Variants in POLD1 observed in about 807,000 individuals in gnomAD.
POLD1 encodes the protein DNA polymerase delta 1, catalytic subunit.
POLD1 carries 79 observed loss-of-function variants against 129.7 expected under a neutral mutation model. That is an observed-to-expected ratio of 0.61 (90% CI 0.51 to 0.73). The LOEUF (loss-of-function observed/expected upper bound fraction) is 0.73, where lower values mean the gene tolerates loss of function less well. Among genes scored for constraint, POLD1 ranks in the 30% least tolerant of loss-of-function variants. POLD1 has a pLI of 0.00. For missense variants in POLD1, 1,338 were observed against 1,595.8 expected (o/e 0.84, Z 2.75); for synonymous variants, 714 against 683.3 (o/e 1.04, Z -0.70).
At chr19:50,389,588 A>AT (rs35138965) in intron 1 of POLD1, among the ~76,000 whole-genome samples, 4,254 of 142,178 alleles carry the variant, frequency 0.03, 88 homozygotes, top group African/African-American at 0.062. Flanking sequence ...ATAATTTCTT[A>AT]TTTTTTTTTT....
At chr19:50,390,153 C>G (rs1366420340) in intron 1 of POLD1, among the ~76,000 whole-genome samples, 4 of 152,032 alleles carry the variant, frequency 2.6e-5, no homozygotes, top group Admixed American at 2.6e-4. Flanking sequence ...AGGTAATCCA[C>G]CCACCTCAGC....
chr19:50,416,247 G>A, intron 22 of POLD1, 149 bp from the exon 23 acceptor site: 1 of 735,244 alleles, frequency 1.4e-6, no homozygotes, highest in South Asian at 1.8e-5. Flanking sequence ...GAGACTCCGT[G>A]ACCTCCGACC....
At chr19:50,410,548 C>T (rs140413834) in intron 17 of POLD1, among the ~76,000 whole-genome samples, 320 of 152,276 alleles carry the variant, frequency 2.1e-3, no homozygotes, top group Non-Finnish European at 3.2e-3. Flanking sequence ...AGCAGAAAAG[C>T]TGGTTCTCAT....
Position 50,399,024 on chromosome 19 carries a change from T to A in POLD1, c.173T>A (p.Leu58Gln). The change falls in exon 2 of 27, where the codon CTG (leucine) becomes CAG (glutamine). Residue 58 changes from leucine to glutamine, a missense_variant. This residue lies in a region of POLD1 where 332 missense variants were observed against 315.7 expected (regional missense o/e 1.05). Transcript: ENST00000440232. Reference protein sequence around the residue: ...HRLQEQEEEELQSVLEGVADG... With the variant: ...HRLQEQEEEEQQSVLEGVADG... ...CTGCAGGAGCAGGAGGAGGAGGAGCTGCAGTCAGTCCTGGAGGGGGTTGCA... is the reference window on the plus strand; with the variant it reads ...CTGCAGGAGCAGGAGGAGGAGGAGCAGCAGTCAGTCCTGGAGGGGGTTGCA... 6.4e-7 allele frequency: 1 copy of A among 1,557,996 alleles called. No individual in the cohort carries two copies. The highest frequency in any genetic ancestry group is 1.4e-5 in the African/African-American group (1 of 73,734).
Position 50,402,042 on chromosome 19 carries a change from C to T in POLD1, c.507C>T (p.Asn169=). 3.7e-6 allele frequency: 6 copies of T among 1,614,100 alleles called. No individual in the cohort carries two copies. The highest frequency in any genetic ancestry group is 5.1e-6 in the Non-Finnish European group (6 of 1,179,974). Reference sequence around the variant, plus strand: ...TGGGTGACCTGCAACGGGAGCTGAACTTGGCCATCAGCCGGGACAGTCGCG... The same window carrying T: ...TGGGTGACCTGCAACGGGAGCTGAATTTGGCCATCAGCCGGGACAGTCGCG... ...EHMGDLQREL[N]LAISRDSRGG... Residue 169 remains asparagine (N), a synonymous_variant, in exon 5 of 27, where the codon AAC becomes AAT. Transcript: ENST00000440232.
At chr19:50,399,578 C>T in intron 3 of POLD1, 94 bp downstream of exon 3, 1 of 926,340 alleles carries the variant, frequency 1.1e-6, no homozygotes, top group Non-Finnish European at 1.7e-6. Context: ...GCTCCTGGGG[C>T]AGAGGCCGGG....
Position 50,417,823 on chromosome 19 carries a change from C to T in POLD1, c.3219-19C>T, listed in dbSNP as rs374168125. The T allele has an allele frequency of 3.3e-6, 5 of 1,523,374 alleles. No homozygotes were observed. The highest frequency in any genetic ancestry group is 2.4e-5 in the East Asian group (1 of 42,388). 94.4% of individuals were successfully genotyped at this position (1,523,374 alleles called of 1,614,324 possible). A position where few individuals can be genotyped will look rare whatever the true frequency, so the allele number is the denominator to read the frequency against. On this transcript the variant is annotated intron_variant, in intron 26 of 26. Coordinates refer to ENST00000440232, the MANE Select transcript of POLD1 (RefSeq NM_002691.4). ...TGGGCCTTGGCTGGTCCTGACCCTGCCCCTGCCCCCACCCGCAGCCGGGAC... is the reference window on the plus strand; with the variant it reads ...TGGGCCTTGGCTGGTCCTGACCCTGTCCCTGCCCCCACCCGCAGCCGGGAC...
In POLD1 at chr19:50,414,884, G is replaced by GCCCACGAC. The variant is rs751309893; in HGVS notation, c.2460_2467dup (p.Arg823ProfsTer68). 3 of 1,607,188 alleles carry GCCCACGAC rather than the reference G, an allele frequency of 1.9e-6. No individual in the cohort carries two copies. Among genetic ancestry groups the GCCCACGAC allele is most frequent in the Non-Finnish European group, 2.6e-6 (3 of 1,175,614 alleles). ...CCTGCTCTTCTCCTCCCGGCCCGAC[G>GCCCACGAC]CCCACGACCGCATGGACTGCAAGGG... On this transcript the variant is annotated frameshift_variant, in exon 20 of 27. Transcript: ENST00000440232. LOFTEE classifies it high-confidence loss of function.
chr19:50,389,151 A>G (rs551092892), intron 1 of POLD1, among the ~76,000 whole-genome samples: 1 of 148,828 alleles, frequency 6.7e-6, no homozygotes, highest in African/African-American at 2.5e-5. Flanking sequence ...TTTTTGGTAC[A>G]GTATTTTACT....
intron 1 of POLD1, among the ~76,000 whole-genome samples, chr19:50,390,572 ATTTT>A (rs563258123): frequency 7.3e-6 from 1 of 136,118 alleles, no homozygotes; most frequent in African/African-American, 2.8e-5. Context: ...CTTGAGAACT[ATTTT>A]TTTTTTTTTT....
At chr19:50,396,168 C>T (rs1014289410) in intron 1 of POLD1, among the ~76,000 whole-genome samples, 2 of 148,876 alleles carry the variant, frequency 1.3e-5, no homozygotes, top group Admixed American at 6.7e-5. Flanking sequence ...CTCACTGCAA[C>T]CTCCACCTCT....
chr19:50,414,697 G>T, intron 19 of POLD1, 118 bp from the exon 20 acceptor site: 1 of 791,446 alleles, frequency 1.3e-6, no homozygotes, highest in Non-Finnish European at 1.9e-6. Context: ...CTCAGGGCAC[G>T]GCTCCCATGT....
chr19:50,398,673 T>C (rs942831356), intron 1 of POLD1, among the ~76,000 whole-genome samples, 178 bp from the exon 2 acceptor site: 2 of 150,146 alleles, frequency 1.3e-5, no homozygotes, highest in African/African-American at 2.5e-5. Flanking sequence ...TAGCTAACAA[T>C]TGAGCGTCTG....
Position 50,403,537 on chromosome 19 carries a change from C to T in POLD1, c.1182C>T (p.Thr394=), listed in dbSNP as rs377462923. The T allele has an allele frequency of 1.0e-4, 164 of 1,614,094 alleles. No individual in the cohort carries two copies. Among genetic ancestry groups the T allele is most frequent in the Middle Eastern group, 9.9e-4 (6 of 6,062 alleles). Residue 394 remains threonine (T), a synonymous_variant, in exon 10 of 27, where the codon ACC becomes ACT. Coordinates refer to ENST00000440232, the MANE Select transcript of POLD1 (RefSeq NM_002691.4). ...GTATCATGGACCCCGACGTGATCAC[C>T]GGTTACAACATCCAGAACTTCGACC... ...FIRIMDPDVI[T]GYNIQNFDLP... is the part of the protein sequence containing the mutation.
rs765678563 is a variant in POLD1, at chr19:50,413,882, G to A, written c.2388+3G>A. The stretch of plus-strand genomic sequence containing the variant: ...CCATCCGGCTGGAGTTTGAGAAGGT[G>A]CGTGGCTGGGTCAGGGGCTCTGCAT... On this transcript the variant is annotated splice_donor_region_variant and intron_variant, in intron 19 of 26. Transcript: ENST00000440232. 3 of 1,594,664 alleles carry A rather than the reference G, an allele frequency of 1.9e-6. No individual in the cohort carries two copies. The highest frequency in any genetic ancestry group is 2.6e-6 in the Non-Finnish European group (3 of 1,169,770).
chr19:50,394,350 A>G (rs3219337), intron 1 of POLD1, among the ~76,000 whole-genome samples: 27,822 of 152,126 alleles, frequency 0.18, 3,242 homozygotes, highest in Admixed American at 0.28. Flanking sequence ...GGTGTGTTCT[A>G]TTGCAAAAAA....
chr19:50,396,216 A>G (rs1452337341), intron 1 of POLD1, among the ~76,000 whole-genome samples: 1 of 150,766 alleles, frequency 6.6e-6, no homozygotes, highest in Non-Finnish European at 1.5e-5. Context: ...CCTCCCGAGT[A>G]GCCATAATTA....
At position 50,416,715 on chromosome 19, in the gene POLD1, G is replaced by A. The variant is rs1060501819; in HGVS notation, c.3059G>A (p.Ser1020Asn). 6 of 1,536,716 alleles carry A rather than the reference G, an allele frequency of 3.9e-6. No individual in the cohort carries two copies. Among genetic ancestry groups the A allele is most frequent in the Non-Finnish European group, 5.2e-6 (6 of 1,145,420 alleles). The change falls in exon 24 of 27, where the codon AGC (serine) becomes AAC (asparagine). Residue 1020 changes from serine (S) to asparagine (N), a missense_variant. Physicochemically the swap from Ser to Asn is conservative, Grantham distance 46. Around this residue, in one of 3 missense-constraint regions of POLD1, gnomAD observed 286 missense variants for 277.5 expected, o/e 1.03. Transcript: ENST00000440232. ...TGCATTGGCTGCCGCACAGTGCTCA[G>A]CCACCAGGGTGAGCGGCCCTGGCCA... Reference protein sequence around the residue: ...NCCIGCRTVLSHQGAVCEFCQ... With the variant: ...NCCIGCRTVLNHQGAVCEFCQ...
intron 1 of POLD1, among the ~76,000 whole-genome samples, chr19:50,386,048 GAT>G (rs1002306875): frequency 6.6e-6 from 1 of 152,204 alleles, no homozygotes; most frequent in African/African-American, 2.4e-5. Context: ...GCGGAGCAGT[GAT>G]AGTCTTTGGG....
Sources: gnomAD v4.1 joint callset for allele counts (sites outside exome capture counted in the v4.1 genomes callset) on GRCh38, gnomAD v4.1.1 for gene constraint, gnomAD v4.1.1 regional missense constraint, MANE v1.5 for transcripts, NCBI Gene and HGNC (gene_info 2026-07-23, HGNC 2026-07-21) for gene names.